CSMD1: variants seen among roughly 807,000 people sequenced by gnomAD.
CSMD1 encodes the protein CUB and Sushi multiple domains 1.
A neutral mutation model predicts 417.5 loss-of-function variants in CSMD1; 213 were observed. That is an observed-to-expected ratio of 0.51 (90% CI 0.46 to 0.57). The LOEUF is 0.57. Ranked by LOEUF, CSMD1 falls within the 20% of genes least tolerant of loss-of-function variation. CSMD1 has a pLI of 0.00. For missense variants in CSMD1, 6,923 were observed against 4,529.7 expected, an observed-to-expected ratio of 1.53 and a Z score of -15.17; for synonymous variants, 2,862 against 1,736.8, an observed-to-expected ratio of 1.65 and a Z score of -16.11.
intron 12 of CSMD1, among the ~76,000 whole-genome samples, chr8:3,464,260 A>G (rs1398176874): frequency 6.6e-6 from 1 of 152,156 alleles, no homozygotes; most frequent in East Asian, 1.9e-4. Context: ...TACTATAGAC[A>G]GAGAAGCCAT....
chr8:4,156,166 G>A (rs921883733), intron 3 of CSMD1, among the ~76,000 whole-genome samples: 3 of 152,166 alleles, frequency 2.0e-5, no homozygotes, highest in Non-Finnish European at 4.4e-5. Flanking sequence ...AATTCGTTGT[G>A]TGAGGGGTGT....
At chr8:3,192,081 C>T (rs775409422) in intron 33 of CSMD1, among the ~76,000 whole-genome samples, 5 of 152,028 alleles carry the variant, frequency 3.3e-5, no homozygotes, top group African/African-American at 4.8e-5. Context: ...TCCATGAAAA[C>T]GGAAATTGGC....
intron 19 of CSMD1, among the ~76,000 whole-genome samples, chr8:3,368,037 G>T (rs1260298095): frequency 1.3e-5 from 2 of 152,132 alleles, no homozygotes; most frequent in African/African-American, 4.8e-5. Flanking sequence ...ATAGTAACCG[G>T]AACTACAAAG....
At chr8:4,049,510 T>G (rs1042954763) in intron 3 of CSMD1, among the ~76,000 whole-genome samples, 1 of 151,424 alleles carries the variant, frequency 6.6e-6, no homozygotes, top group African/African-American at 2.4e-5. Context: ...TGAATAAGAT[T>G]GGAATCTACA....
chr8:3,546,350 A>G (rs1002943301), intron 10 of CSMD1, among the ~76,000 whole-genome samples: 1 of 152,074 alleles, frequency 6.6e-6, no homozygotes, highest in Admixed American at 6.6e-5. Flanking sequence ...CTTGGCAAAC[A>G]TGATGAAATC....
intron 1 of CSMD1, among the ~76,000 whole-genome samples, chr8:4,761,656 A>G (rs1812076525): frequency 6.6e-6 from 1 of 152,124 alleles, no homozygotes; most frequent in South Asian, 2.1e-4. Flanking sequence ...AGAAGCATAT[A>G]GACTACCTTT....
chr8:3,588,779 A>T lies in CSMD1; in HGVS notation c.1098-2519T>A, dbSNP rs145622743. ...ACGCACAGTAAAGGAAACAACAAACAGAGTGAAGAGACACCCTGCAGAATG... is the reference window on the plus strand; with the variant it reads ...ACGCACAGTAAAGGAAACAACAAACTGAGTGAAGAGACACCCTGCAGAATG... On this transcript the variant is annotated intron_variant, in intron 8 of 69. Coordinates refer to ENST00000635120, the MANE Select transcript of CSMD1 (RefSeq NM_033225.6). 3.9e-5 allele frequency among the ~76,000 whole-genome samples: 6 copies of T among 152,258 alleles called. No homozygotes were observed. The South Asian group carries it at 1.0e-3, about 26-fold the overall frequency.
intron 3 of CSMD1, among the ~76,000 whole-genome samples, chr8:4,331,320 A>C (rs966877921): frequency 2.0e-5 from 3 of 152,100 alleles, no homozygotes; most frequent in Non-Finnish European, 4.4e-5. Context: ...GTGGGTGCAA[A>C]CGCAGTTTTG....
chr8:3,645,477 A>T (rs1313546540), intron 7 of CSMD1, among the ~76,000 whole-genome samples: 1 of 152,198 alleles, frequency 6.6e-6, no homozygotes, highest in African/African-American at 2.4e-5. Context: ...CTAACTGAAA[A>T]TGGGACAGTG....
intron 23 of CSMD1, among the ~76,000 whole-genome samples, chr8:3,342,617 C>A (rs1280052697): frequency 6.6e-6 from 1 of 152,024 alleles, no homozygotes; most frequent in African/African-American, 2.4e-5. Context: ...CTTTTATTTC[C>A]CTGTTCTTTT....
At chr8:3,435,111 C>T (rs1258387374) in intron 12 of CSMD1, among the ~76,000 whole-genome samples, 1 of 152,138 alleles carries the variant, frequency 6.6e-6, no homozygotes, top group Non-Finnish European at 1.5e-5. Context: ...AGAGACAGCA[C>T]ACCCCTACTT....
At chr8:3,637,948 T>C (rs1797128715) in intron 7 of CSMD1, among the ~76,000 whole-genome samples, 2 of 152,226 alleles carry the variant, frequency 1.3e-5, no homozygotes, top group Non-Finnish European at 2.9e-5. Context: ...ACTTTGGTTC[T>C]CCTTCACCTT....
chr8:3,134,984 T>G (rs1007642729), intron 41 of CSMD1, among the ~76,000 whole-genome samples: 1 of 152,116 alleles, frequency 6.6e-6, no homozygotes, highest in Non-Finnish European at 1.5e-5. Flanking sequence ...AGTGCAGTGA[T>G]GTGATGGCAG....
chr8:3,372,892 C>T (rs1375126346), intron 18 of CSMD1, among the ~76,000 whole-genome samples: 2 of 152,164 alleles, frequency 1.3e-5, no homozygotes, highest in Non-Finnish European at 2.9e-5. Flanking sequence ...AATGCCAGCG[C>T]ACCGCGTAGT....
At chr8:4,960,814 CTA>C (rs1180054245) in intron 1 of CSMD1, among the ~76,000 whole-genome samples, 1 of 152,064 alleles carries the variant, frequency 6.6e-6, no homozygotes, top group East Asian at 1.9e-4. Flanking sequence ...AATGGTAAAA[CTA>C]TTTTATCAAA....
chr8:4,127,525 A>C (rs1018134330), intron 3 of CSMD1, among the ~76,000 whole-genome samples: 1 of 150,702 alleles, frequency 6.6e-6, no homozygotes, highest in Non-Finnish European at 1.5e-5. Context: ...TCCCTCCACC[A>C]GAAACCCTTT....
At chr8:4,651,177 T>G (rs1406981442) in intron 1 of CSMD1, among the ~76,000 whole-genome samples, 2 of 152,192 alleles carry the variant, frequency 1.3e-5, no homozygotes, top group East Asian at 3.9e-4. Context: ...CAAATTATTG[T>G]ACCAAATTCC....
At chr8:4,947,349 T>G (rs1174194271) in intron 1 of CSMD1, among the ~76,000 whole-genome samples, 1 of 150,630 alleles carries the variant, frequency 6.6e-6, no homozygotes. Context: ...AATGCATAAC[T>G]AACCAAATTC....
chr8:3,900,535 CAGTGAAGCTAGG>C (rs1370671301), intron 5 of CSMD1, among the ~76,000 whole-genome samples: 1 of 140,748 alleles, frequency 7.1e-6, no homozygotes, highest in African/African-American at 3.3e-5. Context: ...AGCTGGGTGA[CAGTGAAGCTAGG>C]TGACAGTGCA....
Sources: allele counts gnomAD v4.1 joint callset (sites outside exome capture counted in the v4.1 genomes callset), GRCh38; gene constraint gnomAD v4.1.1; transcripts MANE v1.5; gene names NCBI Gene and HGNC (gene_info 2026-07-23, HGNC 2026-07-21).